TIMM10B: variants seen among roughly 807,000 people sequenced by gnomAD.
TIMM10B encodes mitochondrial import inner membrane translocase subunit Tim10 B.
Under a neutral mutation model 12.6 loss-of-function variants are expected in TIMM10B, and 17 were observed. The ratio of observed to expected loss-of-function variants is 1.35; its 90% CI spans 0.92 to 2.03. The LOEUF is 2.03. TIMM10B is among the 30% of genes most tolerant of loss of function. The pLI is 0.00. For missense variants in TIMM10B, 165 were observed against 133.3 expected (o/e 1.24, Z -1.17); for synonymous variants, 63 against 51.3 (o/e 1.23, Z -0.97).
chr11:6,481,619 G>T, intron 1 of TIMM10B, 64 bp downstream of exon 1: 1 of 1,573,108 alleles, frequency 6.4e-7, no homozygotes, highest in Admixed American at 1.9e-5. Context: ...CACATCGCGG[G>T]AACCCCACAG....
Position 6,481,836 on chromosome 11 carries a change from C to G in TIMM10B, c.119C>G (p.Ala40Gly), listed in dbSNP as rs770200245. 3.7e-6 allele frequency: 6 copies of G among 1,613,382 alleles called. No homozygotes were observed. In the African/African-American group the frequency reaches 6.7e-5, roughly 18 times the overall value. The change falls in exon 2 of 3, where the codon GCT (alanine) becomes GGT (glycine). Residue 40 changes from alanine to glycine, a missense_variant. Coordinates refer to ENST00000254616, the MANE Select transcript of TIMM10B (RefSeq NM_012192.4). ...TGTGTGCCCAGCTTGCACCACCGAG[C>G]TCTGGACGCTGAGGAGGTGGGGAAC... is the stretch of plus-strand genomic sequence containing the variant. ...QRCVPSLHHR[A>G]LDAEEEACLH...
intron 1 of TIMM10B, 23 bp downstream of exon 1, chr11:6,481,578 C>T (rs1851776832): frequency 6.3e-7 from 1 of 1,591,278 alleles, no homozygotes; most frequent in Non-Finnish European, 8.6e-7. Flanking sequence ...TAAGTCGTTT[C>T]GAGGCCAGAC....
At position 6,483,116 on chromosome 11, in the gene TIMM10B, T is replaced by A. The variant is rs1851864403; in HGVS notation, c.*895T>A. 1 of 152,266 alleles carries A rather than the reference T, an allele frequency of 6.6e-6. No individual in the cohort carries two copies. The highest frequency in any genetic ancestry group is 2.4e-5 in the African/African-American group (1 of 41,468). 9.4% of individuals were successfully genotyped at this position (152,266 alleles called of 1,614,324 possible). A position where few individuals can be genotyped will look rare whatever the true frequency, so the allele number is the denominator to read the frequency against. On this transcript the variant is annotated 3_prime_UTR_variant, in exon 3 of 3. Transcript: ENST00000254616. ...GGAAGGGAGAGAGCTGGGGACCATA[T>A]TCTGCAATGCAGCCAAATCCGAGGA...
Position 6,481,838 on chromosome 11 carries a change from C to A in TIMM10B, c.121C>A (p.Leu41Met). The change falls in exon 2 of 3, where the codon CTG becomes ATG. Residue 41 changes from leucine (L) to methionine (M), a missense_variant. Coordinates refer to ENST00000254616, the MANE Select transcript of TIMM10B (RefSeq NM_012192.4). ...RCVPSLHHRA[L>M]DAEEEACLHS... ...TGTGCCCAGCTTGCACCACCGAGCT[C>A]TGGACGCTGAGGAGGTGGGGAACTG... 2 of 1,613,912 alleles carry A rather than the reference C, an allele frequency of 1.2e-6. No individual in the cohort carries two copies. The highest frequency in any genetic ancestry group is 1.7e-6 in the Non-Finnish European group (2 of 1,180,032).
In TIMM10B at chr11:6,482,627, A is replaced by G. The variant is rs1851842052; in HGVS notation, c.*406A>G. On this transcript the variant is annotated 3_prime_UTR_variant, in exon 3 of 3. Transcript: ENST00000254616. ...CACAACAAAACTATGAGTAAGCGGT[A>G]TTAGCCTCACTTAACAGATGAGGAA... The G allele has an allele frequency of 5.9e-6, 1 of 170,024 alleles. No homozygotes were observed. Among genetic ancestry groups the G allele is most frequent in the Non-Finnish European group, 1.3e-5 (1 of 77,324 alleles). The allele number at this position is 170,024 out of a possible 1,614,324, so 10.5% of individuals were successfully genotyped here.
chr11:6,481,572 T>G lies in TIMM10B; in HGVS notation c.39+17T>G, dbSNP rs1447666269. 1 of 1,597,180 alleles carries G rather than the reference T, an allele frequency of 6.3e-7. No homozygotes were observed. Among genetic ancestry groups the G allele is most frequent in the Non-Finnish European group, 8.5e-7 (1 of 1,172,336 alleles). ...CTGCGAAACGTAAGTGAGAACTAAG[T>G]CGTTTCGAGGCCAGACGTTCAGCTC... is the stretch of plus-strand genomic sequence containing the variant. On this transcript the variant is annotated intron_variant, in intron 1 of 2. Coordinates refer to ENST00000254616, the MANE Select transcript of TIMM10B (RefSeq NM_012192.4).
rs1339378766 is a variant in TIMM10B at position 6,484,595 on chromosome 11, G to A, written c.*2374G>A. 1.3e-5 allele frequency: 2 copies of A among 152,182 alleles called. No individual in the cohort carries two copies. Among genetic ancestry groups the A allele is most frequent in the Non-Finnish European group, 2.9e-5 (2 of 68,038 alleles). 9.4% of individuals were successfully genotyped at this position (152,182 alleles called of 1,614,324 possible). ...TTAACTTCCAGAAGATAGGAGGATG[G>A]GACCTGTGATACTGTGCTGCTGGTG... On this transcript the variant is annotated 3_prime_UTR_variant, in exon 3 of 3. Coordinates refer to ENST00000254616, the MANE Select transcript of TIMM10B (RefSeq NM_012192.4).
chr11:6,481,523 C>T lies in TIMM10B; in HGVS notation c.7C>T (p.Arg3Trp), dbSNP rs2433315. 3.7e-6 allele frequency: 6 copies of T among 1,612,188 alleles called. No homozygotes were observed. The Admixed American group carries it at 8.4e-5, about 22-fold the overall frequency. The change falls in exon 1 of 3, where the codon CGG becomes TGG. Residue 3 changes from arginine to tryptophan, a missense_variant. Arg to Trp is a moderately radical substitution (Grantham distance 101, BLOSUM62 -3). Transcript: ENST00000254616. ...GGCATGCGCCGGTGGCGTGATGGAG[C>T]GGCAGCAGCAGCAGCAACAGCAACT... ME[R>W]QQQQQQQLRN...
chr11:6,481,594 G>T (rs1192167858), intron 1 of TIMM10B, 39 bp downstream of exon 1: 1 of 1,583,664 alleles, frequency 6.3e-7, no homozygotes, highest in South Asian at 1.1e-5. Context: ...CAGACGTTCA[G>T]CTCGCATTCC....
At position 6,481,822 on chromosome 11, in the gene TIMM10B, C is replaced by T. The variant is rs1207431877; in HGVS notation, c.105C>T (p.Ser35=). The T allele has an allele frequency of 6.2e-7, 1 of 1,613,956 alleles. No individual in the cohort carries two copies. Among genetic ancestry groups the T allele is most frequent in the Admixed American group, 1.7e-5 (1 of 60,022 alleles). The part of the protein sequence containing the change: ...TELCFQRCVP[S]LHHRALDAEE... ...TCTGCTTCCAGCGCTGTGTGCCCAGCTTGCACCACCGAGCTCTGGACGCTG... is the reference window on the plus strand; with the variant it reads ...TCTGCTTCCAGCGCTGTGTGCCCAGTTTGCACCACCGAGCTCTGGACGCTG... The change falls in exon 2 of 3, where the codon AGC becomes AGT. Residue 35 remains serine (S), a synonymous_variant. Coordinates refer to ENST00000254616, the MANE Select transcript of TIMM10B (RefSeq NM_012192.4).
rs755743875 is a variant in TIMM10B at position 6,482,217 on chromosome 11, G to T, written c.308G>T (p.Ser103Ile). 6.2e-7 allele frequency: 1 copy of T among 1,602,424 alleles called. No homozygotes were observed. Reference protein sequence around the residue: ...AEQPGVSPSGS With the variant: ...AEQPGVSPSGI ...CAGCCTGGGGTCTCTCCATCAGGCAGCTAGCCATACCCAACCCCAGGAAGG... is the reference window on the plus strand; with the variant it reads ...CAGCCTGGGGTCTCTCCATCAGGCATCTAGCCATACCCAACCCCAGGAAGG... Residue 103 changes from serine to isoleucine, a missense_variant, in exon 3 of 3, where the codon AGC becomes ATC. Ser to Ile is a moderately radical substitution (Grantham distance 142). Coordinates refer to ENST00000254616, the MANE Select transcript of TIMM10B (RefSeq NM_012192.4).
In TIMM10B at chr11:6,482,613, T is replaced by A. The variant is rs759003518; in HGVS notation, c.*392T>A. 2 of 180,496 alleles carry A rather than the reference T, an allele frequency of 1.1e-5. No homozygotes were observed. Among genetic ancestry groups the A allele is most frequent in the African/African-American group, 2.3e-5 (1 of 42,706 alleles). The allele number at this position is 180,496 out of a possible 1,614,324, so 11.2% of individuals were successfully genotyped here. A position where few individuals can be genotyped will look rare whatever the true frequency, so the allele number is the denominator to read the frequency against. The stretch of plus-strand genomic sequence containing the variant: ...TCTTAGTTCATCTTCACAACAAAAC[T>A]ATGAGTAAGCGGTATTAGCCTCACT... On this transcript the variant is annotated 3_prime_UTR_variant, in exon 3 of 3. Coordinates refer to ENST00000254616, the MANE Select transcript of TIMM10B (RefSeq NM_012192.4).
chr11:6,481,986 AAGG>A, intron 2 of TIMM10B, 56 bp from the exon 3 acceptor site: 1 of 1,595,206 alleles, frequency 6.3e-7, no homozygotes. Context: ...ATGGGGAAGA[AAGG>A]AGGCGGACCC....
chr11:6,481,515 T>A lies in TIMM10B; in HGVS notation c.-2T>A. ...TGGCGTACGGCATGCGCCGGTGGCGTGATGGAGCGGCAGCAGCAGCAGCAA... is the reference window on the plus strand; with the variant it reads ...TGGCGTACGGCATGCGCCGGTGGCGAGATGGAGCGGCAGCAGCAGCAGCAA... On this transcript the variant is annotated 5_prime_UTR_variant, in exon 1 of 3. Transcript: ENST00000254616. The A allele has an allele frequency of 6.2e-7, 1 of 1,610,144 alleles. No individual in the cohort carries two copies. Among genetic ancestry groups the A allele is most frequent in the Non-Finnish European group, 8.5e-7 (1 of 1,179,564 alleles).
Position 6,483,859 on chromosome 11 carries a change from C to G in TIMM10B, c.*1638C>G, listed in dbSNP as rs1231494907. 5 of 152,322 alleles carry G rather than the reference C, an allele frequency of 3.3e-5. No homozygotes were observed. The South Asian group carries it at 6.2e-4, about 19-fold the overall frequency. The allele number at this position is 152,322 out of a possible 1,614,324, so 9.4% of individuals were successfully genotyped here. ...GCAGACCCGGTATTAAAGTGCAGAT[C>G]TGACTTTAAAGTCCATGTTCATTTT... On this transcript the variant is annotated 3_prime_UTR_variant, in exon 3 of 3. Coordinates refer to ENST00000254616, the MANE Select transcript of TIMM10B (RefSeq NM_012192.4).
intron 1 of TIMM10B, 56 bp downstream of exon 1, chr11:6,481,611 C>A: frequency 1.9e-6 from 3 of 1,574,398 alleles, no homozygotes; most frequent in Non-Finnish European, 2.6e-6. Context: ...TTCCTGCACA[C>A]ATCGCGGGAA....
chr11:6,481,949 C>T, intron 2 of TIMM10B, 96 bp from the exon 3 acceptor site: 5 of 1,599,384 alleles, frequency 3.1e-6, no homozygotes, highest in Middle Eastern at 1.7e-4. Context: ...CCCTGGCCTT[C>T]CCACGACCCT....
In TIMM10B at chr11:6,482,093, C is replaced by T. The variant is rs1214417652; in HGVS notation, c.184C>T (p.Arg62Cys). The change falls in exon 3 of 3, where the codon CGC (arginine) becomes TGC (cysteine). Residue 62 changes from arginine to cysteine, a missense_variant. Arg to Cys is a radical substitution (Grantham distance 180, BLOSUM62 -3). Coordinates refer to ENST00000254616, the MANE Select transcript of TIMM10B (RefSeq NM_012192.4). ...TGGGAAGCTGATCCATTCCAACCAC[C>T]GCCTCATGGCCGCTTACGTGCAGCT... ...CAGKLIHSNHRLMAAYVQLMP... is the reference protein window; with the variant it reads ...CAGKLIHSNHCLMAAYVQLMP... The T allele has an allele frequency of 1.2e-6, 2 of 1,614,018 alleles. No individual in the cohort carries two copies. Among genetic ancestry groups the T allele is most frequent in the Non-Finnish European group, 1.7e-6 (2 of 1,180,002 alleles).
chr11:6,481,768 C>T lies in TIMM10B; in HGVS notation c.51C>T (p.Phe17=). ...CCCTTTTCTCTCAGCTGCGTGACTT[C>T]CTGTTGGTCTACAATCGGATGACAG... ...QQQQLRNLRD[F]LLVYNRMTEL... Residue 17 remains phenylalanine (F), a synonymous_variant, in exon 2 of 3, where the codon TTC becomes TTT. Transcript: ENST00000254616. 1 of 1,614,136 alleles carries T rather than the reference C, an allele frequency of 6.2e-7. No homozygotes were observed. Among genetic ancestry groups the T allele is most frequent in the Non-Finnish European group, 8.5e-7 (1 of 1,180,038 alleles).
Sources: allele counts gnomAD v4.1 joint callset, GRCh38; gene constraint gnomAD v4.1.1; transcripts MANE v1.5; gene names NCBI Gene and HGNC (gene_info 2026-07-23, HGNC 2026-07-21).